Variants in DPH5 observed in about 807,000 individuals in gnomAD.
The protein encoded by DPH5 is diphthamide biosynthesis 5.
Under a neutral mutation model 31.6 loss-of-function variants are expected in DPH5, and 31 were observed. The ratio of observed to expected loss-of-function variants is 0.98; its 90% confidence interval spans 0.74 to 1.32. The LOEUF is 1.32. Among genes scored for constraint, DPH5 ranks in the 40% most tolerant of loss-of-function variants. The pLI, the probability that DPH5 is intolerant of heterozygous loss-of-function variation, is 0.00. For missense variants in DPH5, 309 were observed against 335.7 expected (o/e 0.92, Z 0.62); for synonymous variants, 120 against 115.0 (o/e 1.04, Z -0.28).
At chr1:101,006,136 T>C (rs1343838010) in intron 4 of DPH5, among the ~76,000 whole-genome samples, 1 of 152,218 alleles carries the variant, frequency 6.6e-6, no homozygotes, top group Non-Finnish European at 1.5e-5. Flanking sequence ...AACTCCACAG[T>C]TTATTGACCT....
At chr1:101,024,237 T>C (rs1660669619) in intron 2 of DPH5, among the ~76,000 whole-genome samples, 2 of 151,976 alleles carry the variant, frequency 1.3e-5, no homozygotes, top group South Asian at 4.2e-4. Flanking sequence ...GGCAAAACCC[T>C]GTCTCTACAA....
chr1:100,991,577 C>T (rs1657708798), intron 7 of DPH5, among the ~76,000 whole-genome samples: 1 of 151,982 alleles, frequency 6.6e-6, no homozygotes. Context: ...CGCTTGAGCT[C>T]AGGAGTTTGA....
In DPH5 at chr1:100,989,977, C is replaced by A; in HGVS notation, c.*431G>T. 6.0e-6 allele frequency: 1 copy of A among 165,610 alleles called. No homozygotes were observed. Among genetic ancestry groups the A allele is most frequent in the Non-Finnish European group, 1.3e-5 (1 of 76,416 alleles). 10.3% of individuals were successfully genotyped at this position (165,610 alleles called of 1,614,324 possible). A position where few individuals can be genotyped will look rare whatever the true frequency, so the allele number is the denominator to read the frequency against. ...CTTGTTTTATACTTACTAGATAAGC[C>A]AAAAGACCTGTTTGTTACACAAACA... On this transcript the variant is annotated 3_prime_UTR_variant, in exon 8 of 8. Coordinates refer to ENST00000370109, the MANE Select transcript of DPH5 (RefSeq NM_015958.3).
chr1:100,994,507 A>C (rs1167238655), intron 6 of DPH5, among the ~76,000 whole-genome samples: 2 of 151,824 alleles, frequency 1.3e-5, no homozygotes, highest in African/African-American at 4.8e-5. Flanking sequence ...AAGAGCACTC[A>C]ACTAGAGGCA....
chr1:100,993,993 C>T (rs935241853), intron 6 of DPH5, among the ~76,000 whole-genome samples: 2 of 152,012 alleles, frequency 1.3e-5, no homozygotes, highest in African/African-American at 2.4e-5. Context: ...CCACCTGCCT[C>T]GGCCTCCCAA....
chr1:101,024,340 C>G (rs1014177025), intron 2 of DPH5, among the ~76,000 whole-genome samples: 10 of 152,116 alleles, frequency 6.6e-5, no homozygotes, highest in Admixed American at 1.3e-4. Flanking sequence ...GCCCAGGAGG[C>G]TGAGGCTGCA....
intron 7 of DPH5, 66 bp from the exon 8 acceptor site, chr1:100,990,697 AACATT>A: frequency 6.9e-7 from 1 of 1,454,134 alleles, no homozygotes; most frequent in Non-Finnish European, 9.6e-7. Context: ...CAGTCAAACA[AACATT>A]AGTACCACAA....
chr1:101,002,046 A>C (rs894067990), intron 4 of DPH5, among the ~76,000 whole-genome samples: 1 of 152,222 alleles, frequency 6.6e-6, no homozygotes, highest in South Asian at 2.1e-4. Flanking sequence ...ATAAACACTT[A>C]AATCTAGCCT....
At chr1:101,023,142 G>A (rs572930592) in intron 2 of DPH5, 14 of 152,188 alleles carry the variant, frequency 9.2e-5, no homozygotes, top group African/African-American at 3.4e-4. Flanking sequence ...GCAGGGGGCC[G>A]AGATCGCACC....
Position 101,008,743 on chromosome 1 carries a change from G to A in DPH5, c.369+4967C>T, listed in dbSNP as rs956438080. ...TTAACTACACTTCTCTCTCTGTTAG[G>A]AATGCCTTCTGCCCTCTTGCCTATC... On this transcript the variant is annotated intron_variant, in intron 4 of 7. Coordinates refer to ENST00000370109, the MANE Select transcript of DPH5 (RefSeq NM_015958.3). Among the ~76,000 whole-genome samples the A allele has an allele frequency of 2.0e-5, 3 of 152,124 alleles. No individual in the cohort carries two copies. In the East Asian group the frequency reaches 5.8e-4, roughly 29 times the overall value.
Position 100,990,636 on chromosome 1 carries a change from TAA to T in DPH5, c.635-7_635-6del, listed in dbSNP as rs375338713. ...AAAGTGTCTCCTCGGTAACTGCTAT[TAA>T]AAAAAAAAGATACTGCTATTCAATT... On this transcript the variant is annotated splice_region_variant and splice_polypyrimidine_tract_variant and intron_variant, in intron 7 of 7. Coordinates refer to ENST00000370109, the MANE Select transcript of DPH5 (RefSeq NM_015958.3). 2 of 1,473,548 alleles carry T rather than the reference TAA, an allele frequency of 1.4e-6. No individual in the cohort carries two copies. Among genetic ancestry groups the T allele is most frequent in the Non-Finnish European group, 1.8e-6 (2 of 1,082,820 alleles). 91.3% of individuals were successfully genotyped at this position (1,473,548 alleles called of 1,614,324 possible). A position where few individuals can be genotyped will look rare whatever the true frequency, so the allele number is the denominator to read the frequency against.
Position 100,992,662 on chromosome 1 carries a change from ATT to A in DPH5, c.607_608del (p.Asn203SerfsTer73). The A allele has an allele frequency of 1.2e-6, 2 of 1,613,858 alleles. No individual in the cohort carries two copies. Among genetic ancestry groups the A allele is most frequent in the Non-Finnish European group, 1.7e-6 (2 of 1,179,890 alleles). ...CTGGTTCTTCTCCTCGTATTCTTTGATTTTGAACAATCTCCAGAAGCTGCTGG... is the reference window on the plus strand; with the variant it reads ...CTGGTTCTTCTCCTCGTATTCTTTGATTGAACAATCTCCAGAAGCTGCTGG... Reference protein sequence around the residue: ...AAQQLLEIVQNQRIRGEEPAV... With the variant: ...AAQQLLEIVQXQRIRGEEPAV... On this transcript the variant is annotated frameshift_variant, in exon 7 of 8. Transcript: ENST00000370109. LOFTEE classifies it high-confidence loss of function.
chr1:100,997,262 T>C (rs1658434158), intron 5 of DPH5, among the ~76,000 whole-genome samples: 1 of 152,252 alleles, frequency 6.6e-6, no homozygotes, highest in East Asian at 1.9e-4. Flanking sequence ...AAACTAACTC[T>C]ACATGGGGCA....
At chr1:101,008,789 AT>A (rs1216821267) in intron 4 of DPH5, among the ~76,000 whole-genome samples, 4 of 152,260 alleles carry the variant, frequency 2.6e-5, no homozygotes, top group Admixed American at 6.5e-5. Flanking sequence ...CGTATAATTC[AT>A]TTTTTTAACC....
chr1:101,005,850 A>G (rs371227672), intron 4 of DPH5, among the ~76,000 whole-genome samples: 34 of 151,988 alleles, frequency 2.2e-4, no homozygotes, highest in African/African-American at 7.5e-4. Context: ...TGTGTCCCCA[A>G]CCAAATCTCA....
chr1:101,004,425 A>C (rs1004479041), intron 4 of DPH5, among the ~76,000 whole-genome samples: 2 of 152,144 alleles, frequency 1.3e-5, no homozygotes, highest in African/African-American at 4.8e-5. Flanking sequence ...TTTCCTCCAA[A>C]ACATTATTGC....
chr1:101,007,791 A>T (rs1299698443), intron 4 of DPH5, among the ~76,000 whole-genome samples: 1 of 151,960 alleles, frequency 6.6e-6, no homozygotes, highest in Non-Finnish European at 1.5e-5. Flanking sequence ...TTATTCTCCT[A>T]TCTTCTGTGT....
In DPH5 at chr1:101,001,677, A is replaced by G. The variant is rs574305807; in HGVS notation, c.370-90T>C. On this transcript the variant is annotated intron_variant, in intron 4 of 7. Coordinates refer to ENST00000370109, the MANE Select transcript of DPH5 (RefSeq NM_015958.3). ...TTTAATCATTTTACAACCAAAATAA[A>G]AAGTGAATATCCAACTCGAAATGGG... 8.9e-5 allele frequency: 93 copies of G among 1,049,768 alleles called. 1 individual carries two copies. In the South Asian group the frequency reaches 1.6e-3, roughly 18 times the overall value. 65.0% of individuals were successfully genotyped at this position (1,049,768 alleles called of 1,614,324 possible). A position where few individuals can be genotyped will look rare whatever the true frequency, so the allele number is the denominator to read the frequency against.
Position 101,021,683 on chromosome 1 carries a change from T to C in DPH5, c.218A>G (p.Asp73Gly). 3 of 1,614,004 alleles carry C rather than the reference T, an allele frequency of 1.9e-6. No homozygotes were observed. The highest frequency in any genetic ancestry group is 2.5e-6 in the Non-Finnish European group (3 of 1,179,914). The change falls in exon 3 of 8, where the codon GAT becomes GGT. Residue 73 changes from aspartate (D) to glycine (G), a missense_variant. Physicochemically the swap from Asp to Gly is moderately conservative, Grantham distance 94. Coordinates refer to ENST00000370109, the MANE Select transcript of DPH5 (RefSeq NM_015958.3). ...CACAAGGAATGCAACATCACTGATA[T>C]CAGCATCCTTTAAAATATTATCTGC... ...QEADNILKDA[D>G]ISDVAFLVVG... is the part of the protein sequence containing the mutation.
Sources: gnomAD v4.1 joint callset for allele counts (sites outside exome capture counted in the v4.1 genomes callset) on GRCh38, gnomAD v4.1.1 for gene constraint, MANE v1.5 for transcripts, NCBI Gene and HGNC (gene_info 2026-07-23, HGNC 2026-07-21) for gene names.